The following ITGB3BP variants were observed in gnomAD, a reference collection of about 807,000 sequenced individuals.
ITGB3BP encodes centromere protein R.
In ITGB3BP, 27 loss-of-function variants were observed where a neutral mutation model predicts 29.1. The observed-to-expected ratio is 0.93, with a 90% CI of 0.68 to 1.28. The LOEUF is 1.28. Ranked by LOEUF, ITGB3BP falls within the 50% of genes most tolerant of loss-of-function variation. The pLI, the probability that ITGB3BP is intolerant of heterozygous loss-of-function variation, is 0.00. For synonymous variants in ITGB3BP, 61 were observed against 61.4 expected, an observed-to-expected ratio of 0.99 and a Z score of 0.03; for missense variants, 192 against 200.2, an observed-to-expected ratio of 0.96 and a Z score of 0.25.
chr1:63,506,617 T>C (rs1458261535), intron 2 of ITGB3BP, among the ~76,000 whole-genome samples: 1 of 152,148 alleles, frequency 6.6e-6, no homozygotes, highest in African/African-American at 2.4e-5. Context: ...TGCCCAAACA[T>C]CATGAAGCAT....
upstream of ITGB3BP, among the ~76,000 whole-genome samples, chr1:63,526,917 A>C (rs1322491723): frequency 6.6e-6 from 1 of 152,118 alleles, no homozygotes; most frequent in African/African-American, 2.4e-5. Context: ...GTTGCACGCC[A>C]CCATGCCTGG....
At chr1:63,446,725 A>C in intron 8 of ITGB3BP, 81 bp downstream of exon 8, 1 of 971,886 alleles carries the variant, frequency 1.0e-6, no homozygotes, top group Non-Finnish European at 1.6e-6. Context: ...AAATCTGATA[A>C]TGTAAATAAA....
At chr1:63,472,900 G>A (rs563312504) in intron 4 of ITGB3BP, among the ~76,000 whole-genome samples, 2 of 152,022 alleles carry the variant, frequency 1.3e-5, no homozygotes, top group African/African-American at 4.8e-5. Context: ...CCGCCACCCC[G>A]TCTGGGAAGT....
intron 3 of ITGB3BP, among the ~76,000 whole-genome samples, chr1:63,483,910 T>G (rs564333069): frequency 1.2e-3 from 178 of 152,298 alleles, no homozygotes; most frequent in African/African-American, 4.1e-3. Flanking sequence ...TGTAGTAGGC[T>G]ATGACATCTA....
intron 1 of ITGB3BP, among the ~76,000 whole-genome samples, chr1:63,513,942 G>C (rs912215519): frequency 6.6e-6 from 1 of 151,966 alleles, no homozygotes; most frequent in Non-Finnish European, 1.5e-5. Context: ...GTATAGATGC[G>C]AGTTTTAACA....
intron 4 of ITGB3BP, among the ~76,000 whole-genome samples, chr1:63,461,167 T>C (rs1403768476): frequency 7.2e-6 from 1 of 139,210 alleles, no homozygotes; most frequent in African/African-American, 2.7e-5. Flanking sequence ...GGCCGGAGAA[T>C]GGCGTGAACC....
intron 2 of ITGB3BP, among the ~76,000 whole-genome samples, chr1:63,492,797 CAAAAAG>C (rs543686158): frequency 4.9e-4 from 75 of 151,906 alleles, no homozygotes; most frequent in African/African-American, 1.8e-3. Context: ...AAACAAAAAA[CAAAAAG>C]AAAGAAAGAA....
At chr1:63,491,030 C>T (rs939900383) in intron 2 of ITGB3BP, among the ~76,000 whole-genome samples, 1 of 152,152 alleles carries the variant, frequency 6.6e-6, no homozygotes. Context: ...CTGTTACCTA[C>T]AGCTTCAGTC....
Position 63,508,235 on chromosome 1 carries a change from T to A in ITGB3BP, c.48+293A>T, listed in dbSNP as rs1340371273. Among the ~76,000 whole-genome samples, 4 of 152,202 alleles carry A rather than the reference T, an allele frequency of 2.6e-5. No homozygotes were observed. In the East Asian group the frequency reaches 7.7e-4, roughly 29 times the overall value. ...TTTCTTGTACATTTAAGTGGCAGAC[T>A]ATTTTTTTCCACAAATAGTGAATTA... On this transcript the variant is annotated intron_variant, in intron 2 of 8. Transcript: ENST00000271002.
chr1:63,487,360 G>A (rs184955275), intron 3 of ITGB3BP, among the ~76,000 whole-genome samples: 40 of 152,106 alleles, frequency 2.6e-4, no homozygotes, highest in Admixed American at 1.3e-4. Context: ...ATGGGTTGGA[G>A]GAGGGCAGCA....
At chr1:63,491,565 T>G (rs1261865275) in intron 2 of ITGB3BP, among the ~76,000 whole-genome samples, 1 of 152,198 alleles carries the variant, frequency 6.6e-6, no homozygotes, top group South Asian at 2.1e-4. Context: ...TCCTTAACTC[T>G]GCCTGGTCAA....
At chr1:63,482,986 C>T (rs1454605809) in intron 3 of ITGB3BP, among the ~76,000 whole-genome samples, 1 of 151,958 alleles carries the variant, frequency 6.6e-6, no homozygotes, top group African/African-American at 2.4e-5. Flanking sequence ...AATGAAAATA[C>T]CTTTATTAAG....
At chr1:63,491,272 T>C (rs903063731) in intron 2 of ITGB3BP, among the ~76,000 whole-genome samples, 2 of 152,222 alleles carry the variant, frequency 1.3e-5, no homozygotes, top group African/African-American at 2.4e-5. Flanking sequence ...TGTGTACTAA[T>C]GTGTACAAAG....
chr1:63,449,193 T>C (rs1190412572), intron 7 of ITGB3BP: 1 of 152,550 alleles, frequency 6.6e-6, no homozygotes, highest in Non-Finnish European at 1.5e-5. Flanking sequence ...CACACACAAA[T>C]AATCAATATC....
chr1:63,488,485 AGTT>A (rs1259121104), intron 3 of ITGB3BP, among the ~76,000 whole-genome samples: 4 of 151,860 alleles, frequency 2.6e-5, no homozygotes, highest in Non-Finnish European at 4.4e-5. Context: ...TAAAAGTGGG[AGTT>A]GTTAAGAGAT....
In ITGB3BP at chr1:63,474,911, AAAAT is replaced by A. The variant is rs1173358407; in HGVS notation, c.254+3849_254+3852del. On this transcript the variant is annotated intron_variant, in intron 4 of 8. Coordinates refer to ENST00000271002, the MANE Select transcript of ITGB3BP (RefSeq NM_014288.5). ...CAATAAAAAAAAAAAATAAATAAAT[AAAAT>A]AAAAACAAAACAAAACAAAAACAAA... is the stretch of plus-strand genomic sequence containing the variant. 7.8e-3 allele frequency among the ~76,000 whole-genome samples: 125 copies of A among 16,050 alleles called. No individual in the cohort carries two copies. In the Non-Finnish European group the frequency reaches 0.21, roughly 27 times the overall value. 10.5% of individuals were successfully genotyped at this position (16,050 alleles called of 152,430 possible).
At chr1:63,498,124 C>T (rs553701220) in intron 2 of ITGB3BP, among the ~76,000 whole-genome samples, 190 of 151,986 alleles carry the variant, frequency 1.3e-3, no homozygotes, top group African/African-American at 4.2e-3. Flanking sequence ...ACTTCAATTC[C>T]CCGCATTCAA....
intron 1 of ITGB3BP, among the ~76,000 whole-genome samples, chr1:63,521,171 C>T (rs1177494343): frequency 6.6e-6 from 1 of 151,810 alleles, no homozygotes; most frequent in Non-Finnish European, 1.5e-5. Context: ...ACCATTTCAA[C>T]ATCACTTAAA....
chr1:63,466,603 G>A (rs916404233), intron 4 of ITGB3BP, among the ~76,000 whole-genome samples: 1 of 152,160 alleles, frequency 6.6e-6, no homozygotes, highest in Non-Finnish European at 1.5e-5. Context: ...CACACAGCAT[G>A]TTTCAAACAC....
Sources: gnomAD v4.1 joint callset for allele counts (sites outside exome capture counted in the v4.1 genomes callset) on GRCh38, gnomAD v4.1.1 for gene constraint, MANE v1.5 for transcripts, NCBI Gene and HGNC (gene_info 2026-07-23, HGNC 2026-07-21) for gene names.